ZRANB3: variants seen among roughly 807,000 people sequenced by gnomAD.
The protein encoded by ZRANB3 is zinc finger RANBP2-type containing 3.
A neutral mutation model predicts 133.8 loss-of-function variants in ZRANB3; 125 were observed. The ratio of observed to expected loss-of-function variants is 0.93; its 90% CI spans 0.81 to 1.08. ZRANB3 has a LOEUF of 1.08. Among genes scored for constraint, ZRANB3 ranks in the 50% least tolerant of loss-of-function variants. The pLI is 0.00. For missense variants in ZRANB3, 1,229 were observed against 1,275.5 expected (o/e 0.96, Z 0.56); for synonymous variants, 387 against 432.7 (o/e 0.89, Z 1.31).
At chr2:135,289,501 C>T (rs947455435) in intron 8 of ZRANB3, among the ~76,000 whole-genome samples, 2 of 152,116 alleles carry the variant, frequency 1.3e-5, no homozygotes, top group Non-Finnish European at 2.9e-5. Context: ...TGATCTACCC[C>T]CCTCAGCCTC....
intron 1 of ZRANB3, among the ~76,000 whole-genome samples, chr2:135,505,729 C>T (rs772746856): frequency 3.9e-5 from 6 of 152,196 alleles, no homozygotes; most frequent in Non-Finnish European, 7.3e-5. Context: ...ATAGGTACTA[C>T]ATGCCACAAC....
intron 2 of ZRANB3, among the ~76,000 whole-genome samples, chr2:135,448,920 C>A (rs1690145406): frequency 6.6e-6 from 1 of 152,186 alleles, no homozygotes; most frequent in South Asian, 2.1e-4. Context: ...GTGACATTGA[C>A]CCTCATCCTA....
At chr2:135,264,537 C>A (rs189338932) in intron 12 of ZRANB3, among the ~76,000 whole-genome samples, 1 of 150,810 alleles carries the variant, frequency 6.6e-6, no homozygotes, top group African/African-American at 2.4e-5. Flanking sequence ...ATGCAAATAT[C>A]ATTAATGAAC....
chr2:135,290,692 T>A (rs1306052153), intron 8 of ZRANB3, among the ~76,000 whole-genome samples: 1 of 134,256 alleles, frequency 7.4e-6, no homozygotes, highest in African/African-American at 2.7e-5. Flanking sequence ...CCCCATTGTG[T>A]CATTGTTTTA....
chr2:135,325,546 C>T (rs1683771367), intron 6 of ZRANB3, among the ~76,000 whole-genome samples: 1 of 152,108 alleles, frequency 6.6e-6, no homozygotes, highest in East Asian at 1.9e-4. Context: ...TGGCTGCCAC[C>T]ATGCCTGGCT....
intron 3 of ZRANB3, among the ~76,000 whole-genome samples, chr2:135,389,095 A>ACAAACC (rs1279893423): frequency 6.6e-6 from 1 of 152,128 alleles, no homozygotes; most frequent in Non-Finnish European, 1.5e-5. Flanking sequence ...GAACACAAAA[A>ACAAACC]CAAACCAAAA....
chr2:135,305,693 G>A (rs1558903312), intron 8 of ZRANB3, among the ~76,000 whole-genome samples: 1 of 152,014 alleles, frequency 6.6e-6, no homozygotes, highest in Non-Finnish European at 1.5e-5. Flanking sequence ...ACTTTCATGT[G>A]TTTTCATGAT....
intron 2 of ZRANB3, among the ~76,000 whole-genome samples, chr2:135,476,187 A>C (rs1418092907): frequency 2.6e-5 from 4 of 152,250 alleles, no homozygotes; most frequent in African/African-American, 9.6e-5. Flanking sequence ...TCTTCATATG[A>C]ATAAACAAAC....
In ZRANB3 at chr2:135,310,629, G is replaced by A. The variant is rs144231046; in HGVS notation, c.966+2860C>T. Among the ~76,000 whole-genome samples, 536 of 152,134 alleles carry A rather than the reference G, an allele frequency of 3.5e-3. 1 individual carries two copies. Among genetic ancestry groups the A allele is most frequent in the African/African-American group, 0.012 (501 of 41,516 alleles). On this transcript the variant is annotated intron_variant, in intron 8 of 20. Transcript: ENST00000264159. ...ATGCTGTCATTGTGAGAACATCACA[G>A]AGTGTATTTACACAAACCTATATGT...
chr2:135,231,048 G>A, intron 12 of ZRANB3, 121 bp from the exon 13 acceptor site: 1 of 806,532 alleles, frequency 1.2e-6, no homozygotes, highest in Non-Finnish European at 1.8e-6. Context: ...ATACCTTTTG[G>A]AAATGAATTC....
rs199874707 is a variant in ZRANB3 at position 135,220,854 on chromosome 2, A to ATTT, written c.2251-1679_2251-1677dup. Among the ~76,000 whole-genome samples, 76 of 144,954 alleles carry ATTT rather than the reference A, an allele frequency of 5.2e-4. 4 individuals carry two copies. Among genetic ancestry groups the ATTT allele is most frequent in the African/African-American group, 1.7e-3 (62 of 36,780 alleles). On this transcript the variant is annotated intron_variant, in intron 15 of 20. Coordinates refer to ENST00000264159, the MANE Select transcript of ZRANB3 (RefSeq NM_032143.4). ...TATCCTTTTAGGCAGTGAACTAGGA[A>ATTT]TTTATTTTTTTTTTTTTTTTGAGAC...
intron 2 of ZRANB3, among the ~76,000 whole-genome samples, chr2:135,452,157 A>G (rs116013738): frequency 0.041 from 6,220 of 152,270 alleles, 489 homozygotes; most frequent in East Asian, 0.36. Flanking sequence ...CAAAAGGAAA[A>G]TGAGGAAGCA....
chr2:135,480,019 C>T (rs1019436715), intron 2 of ZRANB3, among the ~76,000 whole-genome samples: 1 of 151,868 alleles, frequency 6.6e-6, no homozygotes, highest in Admixed American at 6.5e-5. Flanking sequence ...CTGCAAGCTC[C>T]GCCTCCTGGG....
intron 6 of ZRANB3, among the ~76,000 whole-genome samples, chr2:135,339,417 C>A (rs184411010): frequency 6.7e-6 from 1 of 149,608 alleles, no homozygotes; most frequent in African/African-American, 2.5e-5. Context: ...AAAAAAACAA[C>A]AAAAAAAACA....
At chr2:135,447,666 A>C (rs1237707187) in intron 2 of ZRANB3, among the ~76,000 whole-genome samples, 1 of 152,180 alleles carries the variant, frequency 6.6e-6, no homozygotes, top group East Asian at 1.9e-4. Context: ...GATATGTAGA[A>C]AAATCAGCTG....
chr2:135,365,939 T>C (rs1467186972), intron 3 of ZRANB3, among the ~76,000 whole-genome samples: 7 of 152,204 alleles, frequency 4.6e-5, no homozygotes, highest in South Asian at 4.1e-4. Flanking sequence ...ACACATAAAA[T>C]TATGGTGGAA....
At chr2:135,311,596 T>A (rs931416331) in intron 8 of ZRANB3, among the ~76,000 whole-genome samples, 22 of 147,792 alleles carry the variant, frequency 1.5e-4, no homozygotes, top group African/African-American at 5.1e-4. Flanking sequence ...AAAAAAAAAA[T>A]TTTAGGGGCC....
In ZRANB3 at chr2:135,531,182, A is replaced by G. The variant is rs1477653052; in HGVS notation, c.-63T>C. On this transcript the variant is annotated 5_prime_UTR_variant, in exon 1 of 21. Coordinates refer to ENST00000264159, the MANE Select transcript of ZRANB3 (RefSeq NM_032143.4). The stretch of plus-strand genomic sequence containing the variant: ...CACCTCAGGCTCCAACTCGTGGGAA[A>G]AGGTAGCTCTTTTACAAGTGGGCAA... The G allele has an allele frequency of 6.6e-6, 1 of 152,256 alleles. No homozygotes were observed. The highest frequency in any genetic ancestry group is 1.5e-5 in the Non-Finnish European group (1 of 68,096). 9.4% of individuals were successfully genotyped at this position (152,256 alleles called of 1,614,324 possible).
intron 19 of ZRANB3, among the ~76,000 whole-genome samples, chr2:135,203,807 A>G (rs140400516): frequency 3.3e-4 from 50 of 152,252 alleles, no homozygotes; most frequent in African/African-American, 1.1e-3. Flanking sequence ...TCTAGAACAA[A>G]TATCTGTAAC....
Sources: allele counts gnomAD v4.1 joint callset (sites outside exome capture counted in the v4.1 genomes callset), GRCh38; gene constraint gnomAD v4.1.1; transcripts MANE v1.5; gene names NCBI Gene and HGNC (gene_info 2026-07-23, HGNC 2026-07-21).